MYO16: variants seen among roughly 807,000 people sequenced by gnomAD.
MYO16 encodes the protein myosin XVI, also known as unconventional myosin-XVI.
A neutral mutation model predicts 205.3 loss-of-function variants in MYO16; 94 were observed. The ratio of observed to expected loss-of-function variants is 0.46; its 90% confidence interval spans 0.39 to 0.54. The LOEUF is 0.54. Among genes scored for constraint, MYO16 ranks in the 20% least tolerant of loss-of-function variants. MYO16 has a pLI of 0.00. For missense variants in MYO16, 2,315 were observed against 2,387.5 expected (o/e 0.97, Z 0.63); for synonymous variants, 988 against 954.0 (o/e 1.04, Z -0.66).
At chr13:108,866,547 A>G (rs1878726981) in intron 12 of MYO16, among the ~76,000 whole-genome samples, 1 of 152,208 alleles carries the variant, frequency 6.6e-6, no homozygotes, top group Non-Finnish European at 1.5e-5. Flanking sequence ...CTAACTCAAG[A>G]TCATTTGGCT....
intron 34 of MYO16, among the ~76,000 whole-genome samples, chr13:109,193,129 TTCTC>T (rs980508638): frequency 9.3e-5 from 14 of 151,220 alleles, no homozygotes; most frequent in South Asian, 2.1e-4. Context: ...CCCTCTCTCT[TTCTC>T]TCTCTCTCTC....
rs146463740 is a variant in MYO16, at chr13:108,753,700, G to T, written c.507+26117G>T. ...CTGCTACTGAGGCGCTCCTGGAGGT[G>T]CTCTTAAGGTGCATTTCTAAAAATA... On this transcript the variant is annotated intron_variant, in intron 4 of 34. Transcript: ENST00000457511. Among the ~76,000 whole-genome samples, 317 of 152,268 alleles carry T rather than the reference G, an allele frequency of 2.1e-3. 4 individuals carry two copies. Among genetic ancestry groups the T allele is most frequent in the African/African-American group, 7.3e-3 (303 of 41,556 alleles).
chr13:108,629,878 T>C lies in MYO16; in HGVS notation c.28+6T>C, dbSNP rs915605160. ...CTATCATTTTATCAAGTGCTGTAAG[T>C]AAGCTTGATATCTTGCTCATGTGGT... On this transcript the variant is annotated splice_donor_region_variant and intron_variant, in intron 1 of 34. Coordinates refer to ENST00000457511, the MANE Select transcript of MYO16 (RefSeq NM_001198950.3). 3 of 1,525,088 alleles carry C rather than the reference T, an allele frequency of 2.0e-6. No individual in the cohort carries two copies. The highest frequency in any genetic ancestry group is 2.6e-6 in the Non-Finnish European group (3 of 1,137,952). The allele number at this position is 1,525,088 out of a possible 1,614,324, so 94.5% of individuals were successfully genotyped here.
At chr13:108,775,219 G>A (rs71435300) in intron 4 of MYO16, among the ~76,000 whole-genome samples, 12,149 of 152,176 alleles carry the variant, frequency 0.08, 622 homozygotes, top group Non-Finnish European at 0.12. Context: ...AATCAATATG[G>A]ACAGTGATTC....
At chr13:109,124,996 TTAAATG>T in intron 29 of MYO16, 110 bp from the exon 30 acceptor site, 4 of 1,145,146 alleles carry the variant, frequency 3.5e-6, no homozygotes, top group Non-Finnish European at 4.9e-6. Flanking sequence ...TTATTCTGGG[TTAAATG>T]TACCTTATTC....
At chr13:108,641,605 T>G (rs968800890) in intron 1 of MYO16, among the ~76,000 whole-genome samples, 5 of 152,198 alleles carry the variant, frequency 3.3e-5, no homozygotes, top group Admixed American at 6.5e-5. Flanking sequence ...AAAGGTTAAA[T>G]TATTTCCTAC....
chr13:108,857,424 G>T (rs914683254), intron 11 of MYO16, among the ~76,000 whole-genome samples: 7 of 152,160 alleles, frequency 4.6e-5, no homozygotes, highest in African/African-American at 1.7e-4. Flanking sequence ...AATTTTTCAG[G>T]CTGGCCAGAG....
intron 10 of MYO16, among the ~76,000 whole-genome samples, chr13:108,847,544 A>T (rs1877584999): frequency 6.6e-6 from 1 of 152,216 alleles, no homozygotes; most frequent in South Asian, 2.1e-4. Context: ...CATTTTAGAG[A>T]TAAATACATC....
chr13:109,171,181 C>T (rs1878909465), intron 33 of MYO16, among the ~76,000 whole-genome samples: 1 of 152,064 alleles, frequency 6.6e-6, no homozygotes, highest in African/African-American at 2.4e-5. Flanking sequence ...ACGGAGGAAC[C>T]AGTAAATCCC....
At chr13:108,565,258 G>T in the MYO16 span, among the ~76,000 whole-genome samples, 1 of 151,954 alleles carries the variant, frequency 6.6e-6, no homozygotes, top group African/African-American at 2.4e-5. Context: ...TGAATCTATT[G>T]GTTACTTTCA....
the MYO16 span, among the ~76,000 whole-genome samples, chr13:108,570,612 C>T: frequency 6.6e-6 from 1 of 152,206 alleles, no homozygotes; most frequent in East Asian, 1.9e-4. Context: ...GAGAAGCAAA[C>T]ATTTAAAAGT....
At chr13:108,558,549 T>C in the MYO16 span, among the ~76,000 whole-genome samples, 1 of 152,216 alleles carries the variant, frequency 6.6e-6, no homozygotes, top group East Asian at 1.9e-4. Flanking sequence ...AAAATCTCCC[T>C]GAGGGAAGTG....
At chr13:108,798,454 T>G (rs928745535) in intron 6 of MYO16, among the ~76,000 whole-genome samples, 9 of 152,170 alleles carry the variant, frequency 5.9e-5, no homozygotes, top group African/African-American at 1.9e-4. Context: ...TATCTCTTTT[T>G]AAAAGGGATC....
chr13:109,136,977 G>A (rs187890707), intron 31 of MYO16, among the ~76,000 whole-genome samples: 1 of 152,170 alleles, frequency 6.6e-6, no homozygotes, highest in Admixed American at 6.5e-5. Flanking sequence ...CTAGTATTTC[G>A]CTGGGCTCTG....
intron 5 of MYO16, among the ~76,000 whole-genome samples, chr13:108,791,704 G>A (rs750098702): frequency 6.6e-6 from 1 of 152,196 alleles, no homozygotes; most frequent in Non-Finnish European, 1.5e-5. Context: ...CCCATGGGGA[G>A]AAAAGATACC....
At chr13:108,754,515 C>CGTGTGT (rs10684656) in intron 4 of MYO16, among the ~76,000 whole-genome samples, 9 of 150,588 alleles carry the variant, frequency 6.0e-5, no homozygotes, top group African/African-American at 1.9e-4. Context: ...CAGGTTTTGG[C>CGTGTGT]GTGTGTGTGT....
intron 1 of MYO16, among the ~76,000 whole-genome samples, chr13:108,618,146 T>G (rs529048575): frequency 6.6e-6 from 1 of 152,320 alleles, no homozygotes; most frequent in South Asian, 2.1e-4. Flanking sequence ...CTGTCCATCT[T>G]GTCTCCCTCA....
Position 108,844,410 on chromosome 13 carries a change from GC to G in MYO16, c.1166del (p.Ala389GlufsTer19). ...GGAAAAAGACATTATGTTCAAAGAT[GC>G]AACAAAAGGTCTGTGTAAGCAGCAG... The part of the protein sequence containing the change: ...LLEKDIMFKD[A>X]TKGLCKQQSQ... On this transcript the variant is annotated frameshift_variant, in exon 10 of 35. Coordinates refer to ENST00000457511, the MANE Select transcript of MYO16 (RefSeq NM_001198950.3). LOFTEE classifies it high-confidence loss of function. 1 of 1,613,306 alleles carries G rather than the reference GC, an allele frequency of 6.2e-7. No individual in the cohort carries two copies. The highest frequency in any genetic ancestry group is 1.7e-5 in the Admixed American group (1 of 59,950).
chr13:108,772,444 A>T lies in MYO16; in HGVS notation c.508-13191A>T, dbSNP rs369434958. Among the ~76,000 whole-genome samples, 5 of 152,214 alleles carry T rather than the reference A, an allele frequency of 3.3e-5. No homozygotes were observed. In the East Asian group the frequency reaches 7.7e-4, roughly 23 times the overall value. The stretch of plus-strand genomic sequence containing the variant: ...TGCATTCCCACAAGCAATGAAAAAG[A>T]GTGTCTGTTGCTCCACATTCTCACA... On this transcript the variant is annotated intron_variant, in intron 4 of 34. Coordinates refer to ENST00000457511, the MANE Select transcript of MYO16 (RefSeq NM_001198950.3).
Sources: allele counts gnomAD v4.1 joint callset (sites outside exome capture counted in the v4.1 genomes callset), GRCh38; gene constraint gnomAD v4.1.1; transcripts MANE v1.5; gene names NCBI Gene and HGNC (gene_info 2026-07-23, HGNC 2026-07-21).